The following ERCC8 variants were observed in gnomAD, a reference collection of about 807,000 sequenced individuals.
The protein encoded by ERCC8 is ERCC excision repair 8, CSA ubiquitin ligase complex subunit.
In ERCC8, 52 loss-of-function variants were observed where a neutral mutation model predicts 54.9. That is an observed-to-expected ratio of 0.95 (90% CI 0.76 to 1.19). The LOEUF (loss-of-function observed/expected upper bound fraction) is 1.19, where lower values mean the gene tolerates loss of function less well. ERCC8 is among the 50% of genes most tolerant of loss of function. The probability of loss-of-function intolerance (pLI) is 0.00; values close to 1 mark genes in which losing one functional copy is unlikely to be tolerated. For synonymous variants in ERCC8, 146 were observed against 157.2 expected (o/e 0.93, Z 0.53); for missense variants, 514 against 466.1 (o/e 1.10, Z -0.95).
chr5:60,893,868 G>GT (rs1396429420), intron 9 of ERCC8, among the ~76,000 whole-genome samples: 1 of 151,854 alleles, frequency 6.6e-6, no homozygotes, highest in Non-Finnish European at 1.5e-5. Flanking sequence ...CATTCATGTT[G>GT]TTGTGCAACT....
rs528373631 is a variant in ERCC8, at chr5:60,875,359, A to C, written c.1123-676T>G. Among the ~76,000 whole-genome samples, 4 of 152,356 alleles carry C rather than the reference A, an allele frequency of 2.6e-5. No individual in the cohort carries two copies. The South Asian group carries it at 8.3e-4, about 32-fold the overall frequency. ...TATAGTCAGCACATAGGTTTCCCTC[A>C]GGGATTTGTCTGAAGGATAACATGC... is the stretch of plus-strand genomic sequence containing the variant. On this transcript the variant is annotated intron_variant, in intron 11 of 11. Coordinates refer to ENST00000676185, the MANE Select transcript of ERCC8 (RefSeq NM_000082.4).
chr5:60,911,608 G>A (rs1258542431), intron 4 of ERCC8, among the ~76,000 whole-genome samples: 1 of 152,084 alleles, frequency 6.6e-6, no homozygotes, highest in Non-Finnish European at 1.5e-5. Flanking sequence ...GATCCCACTT[G>A]TCAATTTTGA....
At chr5:60,899,177 C>A (rs1748803379) in intron 8 of ERCC8, among the ~76,000 whole-genome samples, 1 of 151,886 alleles carries the variant, frequency 6.6e-6, no homozygotes, top group African/African-American at 2.4e-5. Context: ...AAAATTTCTA[C>A]ACAGGAATTA....
At chr5:60,917,064 T>C (rs1245974954) in intron 4 of ERCC8, among the ~76,000 whole-genome samples, 1 of 152,048 alleles carries the variant, frequency 6.6e-6, no homozygotes, top group Non-Finnish European at 1.5e-5. Flanking sequence ...ATCACTAAAC[T>C]GCATGATAGA....
intron 1 of ERCC8, among the ~76,000 whole-genome samples, chr5:60,937,336 G>C (rs911953625): frequency 5.9e-5 from 9 of 152,202 alleles, no homozygotes; most frequent in African/African-American, 1.7e-4. Context: ...AGGGTTAGGT[G>C]GTGGGCAGGC....
intron 2 of ERCC8, among the ~76,000 whole-genome samples, chr5:60,925,771 T>A (rs984365024): frequency 6.6e-6 from 1 of 152,180 alleles, no homozygotes; most frequent in African/African-American, 2.4e-5. Context: ...AGTCTCTTTA[T>A]GTGTTTTAAT....
rs4647126 is a variant in ERCC8, at chr5:60,888,454, G to C, written c.1042-934C>G. On this transcript the variant is annotated intron_variant, in intron 10 of 11. Coordinates refer to ENST00000676185, the MANE Select transcript of ERCC8 (RefSeq NM_000082.4). Reference sequence around the variant, plus strand: ...TACTCCCCTGAGAAGGCCAGGTAATGCGCAAGATAACTTGGTCAGATAAGC... The same window carrying C: ...TACTCCCCTGAGAAGGCCAGGTAATCCGCAAGATAACTTGGTCAGATAAGC... Among the ~76,000 whole-genome samples, 1,151 of 152,286 alleles carry C rather than the reference G, an allele frequency of 7.6e-3. 13 individuals carry two copies. The highest frequency in any genetic ancestry group is 0.026 in the African/African-American group (1,090 of 41,550).
In ERCC8 at chr5:60,867,305, A is replaced by C. The variant is rs1024411497; in HGVS notation, c.*7310T>G. 6.6e-6 allele frequency among the ~76,000 whole-genome samples: 1 copy of C among 151,616 alleles called. No individual in the cohort carries two copies. The highest frequency in any genetic ancestry group is 2.4e-5 in the African/African-American group (1 of 41,238). On this transcript the variant is annotated 3_prime_UTR_variant, in exon 12 of 12. Transcript: ENST00000676185. Reference sequence around the variant, plus strand: ...AGTCTTGCTCTGTCACTCAGGGTGGAGTGCAGTGGGGCGATCTCGGCTCAC... The same window carrying C: ...AGTCTTGCTCTGTCACTCAGGGTGGCGTGCAGTGGGGCGATCTCGGCTCAC...
At chr5:60,939,062 G>GC (rs1750177606) in intron 1 of ERCC8, among the ~76,000 whole-genome samples, 1 of 152,094 alleles carries the variant, frequency 6.6e-6, no homozygotes, top group Non-Finnish European at 1.5e-5. Flanking sequence ...GAAGAAATCA[G>GC]CCTGTTCACC....
At chr5:60,882,938 C>T (rs1430491839) in intron 11 of ERCC8, among the ~76,000 whole-genome samples, 3 of 151,048 alleles carry the variant, frequency 2.0e-5, no homozygotes, top group African/African-American at 7.3e-5. Flanking sequence ...CTTTAACTTG[C>T]CTTTGATAAC....
intron 11 of ERCC8, 35 bp downstream of exon 11, chr5:60,887,405 G>A (rs775757701): frequency 6.8e-7 from 1 of 1,470,122 alleles, no homozygotes; most frequent in Admixed American, 1.7e-5. Flanking sequence ...TTAAGCTTTA[G>A]AAGTCACTGT....
intron 1 of ERCC8, among the ~76,000 whole-genome samples, chr5:60,936,414 T>C (rs1172780663): frequency 2.0e-5 from 3 of 152,216 alleles, no homozygotes; most frequent in Non-Finnish European, 4.4e-5. Flanking sequence ...TCTTCTTTTG[T>C]TGGTTAATCT....
intron 10 of ERCC8, among the ~76,000 whole-genome samples, chr5:60,887,808 C>A (rs1167536052): frequency 6.6e-6 from 1 of 152,152 alleles, no homozygotes; most frequent in African/African-American, 2.4e-5. Flanking sequence ...CCATATATTT[C>A]TAATGTCAGA....
intron 4 of ERCC8, 165 bp downstream of exon 4, chr5:60,918,100 A>G (rs759415447): frequency 4.8e-6 from 3 of 620,062 alleles, no homozygotes; most frequent in Non-Finnish European, 8.9e-6. Context: ...AGCTGTCAGC[A>G]GCACAGCCAG....
At chr5:60,916,113 C>T (rs150474378) in intron 4 of ERCC8, among the ~76,000 whole-genome samples, 1 of 152,150 alleles carries the variant, frequency 6.6e-6, no homozygotes, top group Non-Finnish European at 1.5e-5. Flanking sequence ...AGTCTATGGT[C>T]TCGCATAGCT....
chr5:60,944,281 T>C (rs1352312008), intron 1 of ERCC8, among the ~76,000 whole-genome samples: 1 of 152,142 alleles, frequency 6.6e-6, no homozygotes, highest in Admixed American at 6.6e-5. Flanking sequence ...AACAACTCTC[T>C]CCCGGACAAG....
chr5:60,921,899 T>G (rs1269940528), intron 3 of ERCC8, among the ~76,000 whole-genome samples, 155 bp downstream of exon 3: 1 of 152,012 alleles, frequency 6.6e-6, no homozygotes, highest in African/African-American at 2.4e-5. Context: ...TCAGTTACTA[T>G]TTTCAAGAAA....
chr5:60,913,340 A>T (rs1417873793), intron 4 of ERCC8, among the ~76,000 whole-genome samples: 15 of 152,038 alleles, frequency 9.9e-5, no homozygotes, highest in Non-Finnish European at 7.4e-5. Context: ...TGTGTCGAGG[A>T]ATTTATCCAT....
At chr5:60,933,016 C>A (rs1450879479) in intron 1 of ERCC8, among the ~76,000 whole-genome samples, 1 of 152,146 alleles carries the variant, frequency 6.6e-6, no homozygotes, top group African/African-American at 2.4e-5. Context: ...CTAGCATTCA[C>A]TTGGCTTAGT....
Sources: allele counts gnomAD v4.1 joint callset (sites outside exome capture counted in the v4.1 genomes callset), GRCh38; gene constraint gnomAD v4.1.1; transcripts MANE v1.5; gene names NCBI Gene and HGNC (gene_info 2026-07-23, HGNC 2026-07-21).